MDC1: variants seen among roughly 807,000 people sequenced by gnomAD.
MDC1 encodes the protein mediator of DNA damage checkpoint protein 1.
MDC1 carries 81 observed loss-of-function variants against 142.5 expected under a neutral mutation model. The observed-to-expected ratio is 0.57, with a 90% CI of 0.47 to 0.68. MDC1 has a LOEUF of 0.68. Among genes scored for constraint, MDC1 ranks in the 30% least tolerant of loss-of-function variants. The pLI is 0.00. For missense variants in MDC1, 2,119 were observed against 2,547.9 expected (o/e 0.83, Z 3.62); for synonymous variants, 797 against 968.4 (o/e 0.82, Z 3.29).
chr6:30,705,400 A>G lies in MDC1; in HGVS notation c.3783T>C (p.Thr1261=), dbSNP rs138062977. ...TAGTAGCCTGATATGTGGGCTCAGAAGTGACAGGCTGGTCTGTGGAGGTGG... is the reference window on the plus strand; with the variant it reads ...TAGTAGCCTGATATGTGGGCTCAGAGGTGACAGGCTGGTCTGTGGAGGTGG... ...QPSTSTDQPV[T]SEPTYQATRG... The change falls in exon 10 of 15, where the codon ACT becomes ACC. Residue 1261 remains threonine, a synonymous_variant. Coordinates refer to ENST00000376406, the MANE Select transcript of MDC1 (RefSeq NM_014641.3). 8,693 of 1,362,586 alleles carry G rather than the reference A, an allele frequency of 6.4e-3. 251 individuals are homozygous for G. The East Asian group carries it at 0.088, about 14-fold the overall frequency. The allele number at this position is 1,362,586 out of a possible 1,614,324, so 84.4% of individuals were successfully genotyped here.
At position 30,700,462 on chromosome 6, in the gene MDC1, T is replaced by C; in HGVS notation, c.*3A>G. 6.2e-7 allele frequency: 1 copy of C among 1,610,762 alleles called. No homozygotes were observed. Among genetic ancestry groups the C allele is most frequent in the Non-Finnish European group, 8.5e-7 (1 of 1,178,426 alleles). On this transcript the variant is annotated 3_prime_UTR_variant, in exon 15 of 15. Transcript: ENST00000376406. ...TCTGGGAGGGAAAAGGGTAGTGGAG[T>C]TCTCAGGTGGATGACATCTCCAAAG...
In MDC1 at chr6:30,708,270, G is replaced by T; in HGVS notation, c.2309C>A (p.Thr770Lys). ...GCAAGGTCCATAGGCCTCAAGGTGC[G>T]TGTCAAAAGGCTGGGTCTCAGAGTC... ...SEDSETQPFD[T>K]HLEAYGPCLS... The change falls in exon 8 of 15, where the codon ACG (threonine) becomes AAG (lysine). Residue 770 changes from threonine (T) to lysine (K), a missense_variant. Thr to Lys is a moderately conservative substitution (Grantham distance 78, BLOSUM62 -1). Transcript: ENST00000376406. 1 of 1,612,940 alleles carries T rather than the reference G, an allele frequency of 6.2e-7. No individual in the cohort carries two copies. The highest frequency in any genetic ancestry group is 8.5e-7 in the Non-Finnish European group (1 of 1,180,024).
rs1049495602 is a variant in MDC1, at chr6:30,705,774, C to T, written c.3409G>A (p.Val1137Ile). The change falls in exon 10 of 15, where the codon GTC becomes ATC. Residue 1137 changes from valine to isoleucine, a missense_variant. Transcript: ENST00000376406. ...PHPSTSTAQP[V>I]TPKPTSQATR... ...GCCTGAGATGTGGGCTTGGGAGTGA[C>T]TGGCTGGGCTGTGGAGGTGGAAGGG... The T allele has an allele frequency of 1.9e-6, 3 of 1,612,842 alleles. No individual in the cohort carries two copies. In the African/African-American group the frequency reaches 4.0e-5, roughly 22 times the overall value.
At position 30,713,629 on chromosome 6, in the gene MDC1, C is replaced by T. The variant is rs200924734; in HGVS notation, c.587+19G>A. 8.7e-6 allele frequency: 14 copies of T among 1,611,186 alleles called. No individual in the cohort carries two copies. Among genetic ancestry groups the T allele is most frequent in the Admixed American group, 1.7e-5 (1 of 59,856 alleles). ...TTCCTCATTTTGAAGACTCAGGTGT[C>T]TGACTCTTTGGCACTCACCTCTCTG... On this transcript the variant is annotated intron_variant, in intron 4 of 14. Coordinates refer to ENST00000376406, the MANE Select transcript of MDC1 (RefSeq NM_014641.3). This position sits in a 1 kb window ranked among gnomAD's most constrained non-coding sequence, Gnocchi z 4.9.
Position 30,712,637 on chromosome 6 carries a change from C to T in MDC1, c.1305G>A (p.Met435Ile), listed in dbSNP as rs758729496. The change falls in exon 5 of 15, where the codon ATG becomes ATA. Residue 435 changes from methionine to isoleucine, a missense_variant. Coordinates refer to ENST00000376406, the MANE Select transcript of MDC1 (RefSeq NM_014641.3). This position sits in a 1 kb window ranked among gnomAD's most constrained non-coding sequence, Gnocchi z 4.7. ...GCTGCAGAAGGACCACACGTTGGGGCATGTCCTCTTCTGCATCTCTGTTCC... is the reference window on the plus strand; with the variant it reads ...GCTGCAGAAGGACCACACGTTGGGGTATGTCCTCTTCTGCATCTCTGTTCC... ...AIWNRDAEED[M>I]PQRVVLLQRS... The T allele has an allele frequency of 6.2e-7, 1 of 1,612,934 alleles. No individual in the cohort carries two copies. Among genetic ancestry groups the T allele is most frequent in the South Asian group, 1.1e-5 (1 of 91,084 alleles).
rs777255794 is a variant in MDC1, at chr6:30,712,567, C to T, written c.1375G>A (p.Glu459Lys). The T allele has an allele frequency of 1.2e-6, 2 of 1,613,110 alleles. No individual in the cohort carries two copies. The highest frequency in any genetic ancestry group is 1.7e-6 in the Non-Finnish European group (2 of 1,180,040). The change falls in exon 5 of 15, where the codon GAG becomes AAG. Residue 459 changes from glutamate (E) to lysine (K), a missense_variant. Glu to Lys is a moderately conservative substitution (Grantham distance 56). Coordinates refer to ENST00000376406, the MANE Select transcript of MDC1 (RefSeq NM_014641.3). This position sits in a 1 kb window ranked among gnomAD's most constrained non-coding sequence, Gnocchi z 4.7. ...TERDSDTDVE[E>K]EELPVENREA... ...CTATTTTCCACTGGGAGCTCTTCCTCCTCCACGTCTGTGTCACTGTCTCTC... is the reference window on the plus strand; with the variant it reads ...CTATTTTCCACTGGGAGCTCTTCCTTCTCCACGTCTGTGTCACTGTCTCTC...
chr6:30,703,718 G>A lies in MDC1; in HGVS notation c.5465C>T (p.Pro1822Leu). The A allele has an allele frequency of 6.5e-7, 1 of 1,540,574 alleles. No homozygotes were observed. Among genetic ancestry groups the A allele is most frequent in the Non-Finnish European group, 8.7e-7 (1 of 1,148,306 alleles). Residue 1822 changes from proline to leucine, a missense_variant, in exon 10 of 15, where the codon CCA becomes CTA. Coordinates refer to ENST00000376406, the MANE Select transcript of MDC1 (RefSeq NM_014641.3). The surrounding 1 kb of genome is among the most constrained non-coding windows in gnomAD (Gnocchi z 4.4). ...CCCTCTTTGGGGCTGTTTTTGATGT[G>A]GTGGTGAATCCATGGTAGCTAAAGA... ...KRSLATMDSP[P>L]HQKQPQRGEV...
chr6:30,705,494 C>A lies in MDC1; in HGVS notation c.3689G>T (p.Gly1230Val). 6.2e-7 allele frequency: 1 copy of A among 1,603,854 alleles called. No homozygotes were observed. The highest frequency in any genetic ancestry group is 8.5e-7 in the Non-Finnish European group (1 of 1,176,582). The change falls in exon 10 of 15, where the codon GGA (glycine) becomes GTA (valine). Residue 1230 changes from glycine (G) to valine (V), a missense_variant. By Grantham distance (109) the Gly-to-Val change is moderately radical. Transcript: ENST00000376406. ...CTTGACAGAGGATCTATTTTTTCTT[C>A]CCCTAGTAGCCTGAGAGGTGGGTTC... ...TSEPTSQATR[G>V]RKNRSSVKTP...
rs1775003637 is a variant in MDC1, at chr6:30,712,119, G to A, written c.1823C>T (p.Ala608Val). Residue 608 changes from alanine (A) to valine (V), a missense_variant, in exon 5 of 15, where the codon GCA becomes GTA. Coordinates refer to ENST00000376406, the MANE Select transcript of MDC1 (RefSeq NM_014641.3). The surrounding 1 kb of genome is among the most constrained non-coding windows in gnomAD (Gnocchi z 4.7). ...SQLPAEGDAG[A>V]EWAAAVLKQE... ...CTTAAGAACAGCTGCAGCCCACTCT[G>A]CCCCAGCATCCCCTTCTGCTGGAAG... is the stretch of plus-strand genomic sequence containing the variant. 3 of 1,607,986 alleles carry A rather than the reference G, an allele frequency of 1.9e-6. No homozygotes were observed. The African/African-American group carries it at 4.0e-5, about 21-fold the overall frequency.
intron 7 of MDC1, among the ~76,000 whole-genome samples, chr6:30,708,847 C>T (rs1411027611): frequency 2.4e-5 from 3 of 124,778 alleles, no homozygotes; most frequent in African/African-American, 9.7e-5. Flanking sequence ...GTGACAGAGA[C>T]TCTGTCTCAA....
rs1775314354 is a variant in MDC1, at chr6:30,714,072, C to G, written c.248G>C (p.Trp83Ser). ...KQHAEIEILAWDKAPILRDCG... is the reference protein window; with the variant it reads ...KQHAEIEILASDKAPILRDCG... ...GTCTCGGAGGATAGGTGCCTTGTCC[C>G]AGGCTAAGATTTCAATCTCTGCATG... The change falls in exon 3 of 15, where the codon TGG (tryptophan) becomes TCG (serine). Residue 83 changes from tryptophan (W) to serine (S), a missense_variant. Physicochemically the swap from Trp to Ser is radical, Grantham distance 177 (BLOSUM62 -3). Coordinates refer to ENST00000376406, the MANE Select transcript of MDC1 (RefSeq NM_014641.3). 1 of 1,612,744 alleles carries G rather than the reference C, an allele frequency of 6.2e-7. No individual in the cohort carries two copies. The highest frequency in any genetic ancestry group is 1.1e-5 in the South Asian group (1 of 91,074).
At chr6:30,702,722 T>A (rs368917248) in intron 13 of MDC1, 30 bp downstream of exon 13, 21 of 1,612,740 alleles carry the variant, frequency 1.3e-5, no homozygotes, top group Non-Finnish European at 1.8e-5. Flanking sequence ...GAGGGAGGGC[T>A]GAAGCACAGG....
At position 30,716,335 on chromosome 6, in the gene MDC1, T is replaced by C. The variant is rs568035799; in HGVS notation, c.-4+910A>G. On this transcript the variant is annotated intron_variant, in intron 1 of 14. Transcript: ENST00000376406. The surrounding 1 kb of genome is among the most constrained non-coding windows in gnomAD (Gnocchi z 4.4). ...GCCTCCAGGCTTCAAGCGATTCTCC[T>C]GCCTCAGCCTCCCGAGCAGCTGGGA... Among the ~76,000 whole-genome samples, 2 of 152,222 alleles carry C rather than the reference T, an allele frequency of 1.3e-5. No homozygotes were observed. Among genetic ancestry groups the C allele is most frequent in the Non-Finnish European group, 2.9e-5 (2 of 68,008 alleles).
rs1562076035 is a variant in MDC1, at chr6:30,702,817, C to T, written c.5926G>A (p.Glu1976Lys). Residue 1976 changes from glutamate (E) to lysine (K), a missense_variant, in exon 13 of 15, where the codon GAG (glutamate) becomes AAG (lysine). Glu to Lys is a moderately conservative substitution (Grantham distance 56, BLOSUM62 1). Coordinates refer to ENST00000376406, the MANE Select transcript of MDC1 (RefSeq NM_014641.3). ...DEYVVTDPEQ[E>K]KNFGFSLQDA... Reference sequence around the variant, plus strand: ...TGAAGGCTAAAGCCAAAGTTCTTCTCTTGCTCAGGGTCGGTCACCACATAT... The same window carrying T: ...TGAAGGCTAAAGCCAAAGTTCTTCTTTTGCTCAGGGTCGGTCACCACATAT... The T allele has an allele frequency of 6.2e-7, 1 of 1,613,032 alleles. No homozygotes were observed. The highest frequency in any genetic ancestry group is 1.1e-5 in the South Asian group (1 of 91,090).
At position 30,703,073 on chromosome 6, in the gene MDC1, A is replaced by G; in HGVS notation, c.5865+31T>C. On this transcript the variant is annotated intron_variant, in intron 12 of 14. Coordinates refer to ENST00000376406, the MANE Select transcript of MDC1 (RefSeq NM_014641.3). The surrounding 1 kb of genome is among the most constrained non-coding windows in gnomAD (Gnocchi z 4.4). ...ACTATATGAGCAGTCTTGCCACTAT[A>G]TCGGTCTGTCATCATCCCTTGGCCT... is the stretch of plus-strand genomic sequence containing the variant. 1 of 1,602,250 alleles carries G rather than the reference A, an allele frequency of 6.2e-7. No homozygotes were observed. The highest frequency in any genetic ancestry group is 8.5e-7 in the Non-Finnish European group (1 of 1,172,760).
rs942803479 is a variant in MDC1, at chr6:30,707,653, G to A, written c.2926C>T (p.Leu976Phe). The change falls in exon 8 of 15, where the codon CTT (leucine) becomes TTT (phenylalanine). Residue 976 changes from leucine to phenylalanine, a missense_variant. Physicochemically the swap from Leu to Phe is conservative, Grantham distance 22. Transcript: ENST00000376406. ...TPEPGVGAGD[L>F]PGPTSAPVPS... is the part of the protein sequence containing the mutation. ...ACGGGGGCTGAGGTAGGTCCCGGAA[G>A]GTCCCCCGCCCCCACCCCAGGCTCT... 1.2e-6 allele frequency: 2 copies of A among 1,612,936 alleles called. No homozygotes were observed. Among genetic ancestry groups the A allele is most frequent in the Non-Finnish European group, 1.7e-6 (2 of 1,180,034 alleles).
chr6:30,713,378 C>G lies in MDC1; in HGVS notation c.588-24G>C. ...CACTGTGAAGGGAAGAAAAGAGAGT[C>G]TATAGAATTTATTTCCCTGGAAGGG... On this transcript the variant is annotated intron_variant, in intron 4 of 14. Transcript: ENST00000376406. This position sits in a 1 kb window ranked among gnomAD's most constrained non-coding sequence, Gnocchi z 4.9. 2.0e-6 allele frequency: 3 copies of G among 1,531,834 alleles called. No homozygotes were observed. The highest frequency in any genetic ancestry group is 2.6e-6 in the Non-Finnish European group (3 of 1,146,956). The allele number at this position is 1,531,834 out of a possible 1,614,324, so 94.9% of individuals were successfully genotyped here.
Position 30,705,441 on chromosome 6 carries a change from G to A in MDC1, c.3742C>T (p.Pro1248Ser). 2.5e-6 allele frequency: 4 copies of A among 1,611,726 alleles called. No individual in the cohort carries two copies. Among genetic ancestry groups the A allele is most frequent in the Non-Finnish European group, 3.4e-6 (4 of 1,179,348 alleles). ...KTPEPVVPTA[P>S]ELQPSTSTDQ... ...GTGGAGGTGGAAGGCTGGAGCTCAGGGGCTGTGGGGACAACTGGTTCAGGG... is the reference window on the plus strand; with the variant it reads ...GTGGAGGTGGAAGGCTGGAGCTCAGAGGCTGTGGGGACAACTGGTTCAGGG... Residue 1248 changes from proline to serine, a missense_variant, in exon 10 of 15, where the codon CCT (proline) becomes TCT (serine). Pro to Ser is a moderately conservative substitution (Grantham distance 74). Coordinates refer to ENST00000376406, the MANE Select transcript of MDC1 (RefSeq NM_014641.3).
rs1775521361 is a variant in MDC1, at chr6:30,715,399, A to G, written c.-3-221T>C. On this transcript the variant is annotated intron_variant, in intron 1 of 14. Transcript: ENST00000376406. This position sits in a 1 kb window ranked among gnomAD's most constrained non-coding sequence, Gnocchi z 4.1. ...CTCCCCAGGCTGGCATGCAGTGGTA[A>G]GATCTTGGGCCCACGGCAACCTCTG... Among the ~76,000 whole-genome samples the G allele has an allele frequency of 6.6e-6, 1 of 152,076 alleles. No homozygotes were observed. The highest frequency in any genetic ancestry group is 1.5e-5 in the Non-Finnish European group (1 of 68,014).
Sources: allele counts gnomAD v4.1 joint callset (sites outside exome capture counted in the v4.1 genomes callset), GRCh38; gene constraint gnomAD v4.1.1; non-coding constraint Gnocchi (gnomAD v3.1); transcripts MANE v1.5; gene names NCBI Gene and HGNC (gene_info 2026-07-23, HGNC 2026-07-21).